Variants in PLEKHA7 observed in about 807,000 individuals in gnomAD.
PLEKHA7 encodes pleckstrin homology domain containing A7.
Under a neutral mutation model 170.0 loss-of-function variants are expected in PLEKHA7, and 104 were observed. The ratio of observed to expected loss-of-function variants is 0.61; its 90% confidence interval spans 0.52 to 0.72. PLEKHA7 has a LOEUF of 0.72. Among genes scored for constraint, PLEKHA7 ranks in the 30% least tolerant of loss-of-function variants. The probability of loss-of-function intolerance (pLI) is 0.00; values close to 1 mark genes in which losing one functional copy is unlikely to be tolerated. For missense variants in PLEKHA7, 1,615 were observed against 1,671.7 expected (o/e 0.97, Z 0.59); for synonymous variants, 648 against 660.8 (o/e 0.98, Z 0.30).
chr11:16,982,046 G>C (rs566565252), intron 3 of PLEKHA7, among the ~76,000 whole-genome samples: 28 of 152,378 alleles, frequency 1.8e-4, no homozygotes, highest in African/African-American at 6.5e-4. Context: ...CCATATGCCA[G>C]CAGCGTGAGG....
intron 3 of PLEKHA7, among the ~76,000 whole-genome samples, chr11:16,954,626 G>C (rs1241351781): frequency 1.3e-5 from 2 of 151,328 alleles, no homozygotes; most frequent in Non-Finnish European, 2.9e-5. Flanking sequence ...AATTTCTTTG[G>C]AAGATAGCAA....
At chr11:16,862,108 C>T (rs956594192) in intron 4 of PLEKHA7, among the ~76,000 whole-genome samples, 3 of 152,176 alleles carry the variant, frequency 2.0e-5, no homozygotes, top group African/African-American at 7.2e-5. Context: ...CATTCAGCAA[C>T]TGTGGTCTCA....
chr11:16,988,603 T>C (rs925675896), intron 3 of PLEKHA7, among the ~76,000 whole-genome samples: 7 of 152,096 alleles, frequency 4.6e-5, no homozygotes, highest in African/African-American at 1.7e-4. Context: ...CCCACCACCA[T>C]GCCCAGCTAA....
At chr11:16,824,724 A>G (rs1564965897) in intron 10 of PLEKHA7, among the ~76,000 whole-genome samples, 1 of 152,220 alleles carries the variant, frequency 6.6e-6, no homozygotes, top group Non-Finnish European at 1.5e-5. Context: ...TCATCAGATC[A>G]TATCACTTAC....
rs554233007 is a variant in PLEKHA7 at position 16,932,379 on chromosome 11, G to A, written c.222-61197C>T. Reference sequence around the variant, plus strand: ...TGCAGCCTCCAACTCCTGGGCTCAGGTGATCCTCTCACCTCAGCCTCCCCA... The same window carrying A: ...TGCAGCCTCCAACTCCTGGGCTCAGATGATCCTCTCACCTCAGCCTCCCCA... On this transcript the variant is annotated intron_variant, in intron 3 of 26. Coordinates refer to ENST00000531066, the MANE Select transcript of PLEKHA7 (RefSeq NM_001329630.2). Among the ~76,000 whole-genome samples the A allele has an allele frequency of 2.0e-5, 3 of 151,850 alleles. No homozygotes were observed. The South Asian group carries it at 6.2e-4, about 32-fold the overall frequency.
At chr11:17,008,877 G>C (rs1033064877) in intron 3 of PLEKHA7, among the ~76,000 whole-genome samples, 1 of 152,192 alleles carries the variant, frequency 6.6e-6, no homozygotes, top group African/African-American at 2.4e-5. Flanking sequence ...GCCTCTTCTA[G>C]AAACTTCTCC....
chr11:16,912,398 T>A (rs1858315056), intron 3 of PLEKHA7, among the ~76,000 whole-genome samples: 1 of 152,220 alleles, frequency 6.6e-6, no homozygotes, highest in Non-Finnish European at 1.5e-5. Flanking sequence ...GAATTTGGTA[T>A]AACTATAAAG....
chr11:17,002,038 G>A (rs1252948890), intron 3 of PLEKHA7, among the ~76,000 whole-genome samples: 1 of 152,212 alleles, frequency 6.6e-6, no homozygotes, highest in Non-Finnish European at 1.5e-5. Context: ...TCTGTGGCGG[G>A]AGAGGGTGCC....
chr11:16,930,709 G>A (rs551579462), intron 3 of PLEKHA7, among the ~76,000 whole-genome samples: 1 of 152,312 alleles, frequency 6.6e-6, no homozygotes, highest in South Asian at 2.1e-4. Flanking sequence ...AAAACATGAG[G>A]CCTTTATTTA....
chr11:16,987,539 C>A (rs1036177199), intron 3 of PLEKHA7, among the ~76,000 whole-genome samples: 2 of 152,140 alleles, frequency 1.3e-5, no homozygotes, highest in African/African-American at 4.8e-5. Flanking sequence ...CCTTTGCTTA[C>A]CCTATCCCTG....
chr11:16,783,959 C>T (rs1849232824), intron 24 of PLEKHA7, 126 bp from the exon 25 acceptor site: 2 of 1,027,556 alleles, frequency 1.9e-6, no homozygotes, highest in Admixed American at 4.2e-5. Flanking sequence ...AAGTAACTTG[C>T]TAAGATCACA....
chr11:16,894,293 C>T (rs926964411), intron 3 of PLEKHA7, among the ~76,000 whole-genome samples: 2 of 152,122 alleles, frequency 1.3e-5, no homozygotes, highest in African/African-American at 4.8e-5. Flanking sequence ...AATTCTCCAC[C>T]CAAACCAGTT....
At chr11:16,953,206 G>A (rs1038846245) in intron 3 of PLEKHA7, among the ~76,000 whole-genome samples, 1 of 152,234 alleles carries the variant, frequency 6.6e-6, no homozygotes, top group Admixed American at 6.5e-5. Flanking sequence ...GTAAAGGCAT[G>A]GTGAGGATAC....
chr11:16,856,627 G>C (rs962400706), intron 4 of PLEKHA7, among the ~76,000 whole-genome samples: 1 of 152,206 alleles, frequency 6.6e-6, no homozygotes, highest in Admixed American at 6.5e-5. Context: ...GAGCTGCCCT[G>C]GGAGGGCCAA....
chr11:16,862,792 T>G (rs1053059023), intron 4 of PLEKHA7, among the ~76,000 whole-genome samples: 1 of 152,228 alleles, frequency 6.6e-6, no homozygotes, highest in Non-Finnish European at 1.5e-5. Flanking sequence ...TCATAGACAC[T>G]GTCTCCTAGT....
At chr11:16,826,928 G>A (rs887113257) in intron 9 of PLEKHA7, among the ~76,000 whole-genome samples, 1 of 152,130 alleles carries the variant, frequency 6.6e-6, no homozygotes, top group Admixed American at 6.5e-5. Context: ...GGCCCACCTG[G>A]CTGATCATCA....
chr11:16,807,174 CT>C, intron 13 of PLEKHA7: 1 of 985,706 alleles, frequency 1.0e-6, no homozygotes, highest in Non-Finnish European at 1.2e-6. Flanking sequence ...CCCGTGCTGA[CT>C]TCTTCAGCAC....
At chr11:16,878,469 T>A (rs915195197) in intron 3 of PLEKHA7, among the ~76,000 whole-genome samples, 1 of 152,244 alleles carries the variant, frequency 6.6e-6, no homozygotes, top group African/African-American at 2.4e-5. Context: ...CCTGGTTCCA[T>A]CTTCGTCTAG....
chr11:16,994,879 C>T (rs1864250646), intron 3 of PLEKHA7, among the ~76,000 whole-genome samples: 1 of 152,184 alleles, frequency 6.6e-6, no homozygotes, highest in Non-Finnish European at 1.5e-5. Flanking sequence ...ATTGACATGG[C>T]TGTGTCCCCA....
Sources: allele counts gnomAD v4.1 joint callset (sites outside exome capture counted in the v4.1 genomes callset), GRCh38; gene constraint gnomAD v4.1.1; transcripts MANE v1.5; gene names NCBI Gene and HGNC (gene_info 2026-07-23, HGNC 2026-07-21).